VASH1: variants seen among roughly 807,000 people sequenced by gnomAD.
VASH1 encodes vasohibin 1, also known as tubulinyl-Tyr carboxypeptidase 1.
Under a neutral mutation model 35.0 loss-of-function variants are expected in VASH1, and 16 were observed. The observed-to-expected ratio is 0.46, with a 90% CI of 0.31 to 0.70. The LOEUF (loss-of-function observed/expected upper bound fraction) is 0.70, where lower values mean the gene tolerates loss of function less well. Among genes scored for constraint, VASH1 ranks in the 30% least tolerant of loss-of-function variants. The pLI is 0.05. For missense variants in VASH1, 505 were observed against 510.7 expected (o/e 0.99, Z 0.11); for synonymous variants, 214 against 200.9 (o/e 1.07, Z -0.55).
rs1894086081 is a variant in VASH1, at chr14:76,780,833, T to TC, written c.*1817dup. On this transcript the variant is annotated 3_prime_UTR_variant, in exon 7 of 7. Coordinates refer to ENST00000167106, the MANE Select transcript of VASH1 (RefSeq NM_014909.5). The stretch of plus-strand genomic sequence containing the variant: ...AGAGAGAGCTCGTGCTGGGGAGAAG[T>TC]CCACCAAGATGCTTTGAGGCGGGCT... 1.3e-5 allele frequency: 2 copies of TC among 152,170 alleles called. No individual in the cohort carries two copies. Among genetic ancestry groups the TC allele is most frequent in the Non-Finnish European group, 2.9e-5 (2 of 68,048 alleles). The allele number at this position is 152,170 out of a possible 1,614,324, so 9.4% of individuals were successfully genotyped here.
chr14:76,775,189 A>G (rs928646876), intron 4 of VASH1, among the ~76,000 whole-genome samples: 2 of 152,226 alleles, frequency 1.3e-5, no homozygotes, highest in African/African-American at 2.4e-5. Context: ...AAGAAGCAGT[A>G]AACACTGGTC....
intron 1 of VASH1, 75 bp downstream of exon 1, chr14:76,763,205 C>T (rs758346611): frequency 7.6e-7 from 1 of 1,316,988 alleles, no homozygotes; most frequent in Non-Finnish European, 9.8e-7. Context: ...TGAAGCCACA[C>T]TCTCCTCCCA....
At chr14:76,771,057 G>A (rs1272666369) in intron 2 of VASH1, 133 bp from the exon 3 acceptor site, 6 of 696,904 alleles carry the variant, frequency 8.6e-6, no homozygotes, top group African/African-American at 3.7e-5. Flanking sequence ...GGAGGCGTGA[G>A]GCGGGGAGAA....
rs1290478334 is a variant in VASH1 at position 76,762,746 on chromosome 14, C to G, written c.-76C>G. 1 of 1,349,884 alleles carries G rather than the reference C, an allele frequency of 7.4e-7. No homozygotes were observed. Among genetic ancestry groups the G allele is most frequent in the African/African-American group, 1.5e-5 (1 of 67,840 alleles). 83.6% of individuals were successfully genotyped at this position (1,349,884 alleles called of 1,614,324 possible). Reference sequence around the variant, plus strand: ...CTTGCACTCTGGCCATGTGTTATCTCTGCAGCCGGTGTGTGGGAGGCCTCT... The same window carrying G: ...CTTGCACTCTGGCCATGTGTTATCTGTGCAGCCGGTGTGTGGGAGGCCTCT... On this transcript the variant is annotated 5_prime_UTR_variant, in exon 1 of 7. Transcript: ENST00000167106.
chr14:76,768,406 G>T (rs1034579885), intron 1 of VASH1, among the ~76,000 whole-genome samples: 1 of 152,194 alleles, frequency 6.6e-6, no homozygotes, highest in Non-Finnish European at 1.5e-5. Flanking sequence ...CAGCCAGTGC[G>T]GTTGCTAGGG....
At chr14:76,772,796 C>G (rs1893828455) in intron 3 of VASH1, among the ~76,000 whole-genome samples, 1 of 152,212 alleles carries the variant, frequency 6.6e-6, no homozygotes, top group Non-Finnish European at 1.5e-5. Flanking sequence ...GCAGAAGGCC[C>G]CAGCCTGGTG....
Position 76,776,265 on chromosome 14 carries a change from C to T in VASH1, c.904C>T (p.Arg302Trp), listed in dbSNP as rs781696006. 1 of 1,590,566 alleles carries T rather than the reference C, an allele frequency of 6.3e-7. No individual in the cohort carries two copies. The highest frequency in any genetic ancestry group is 8.5e-7 in the Non-Finnish European group (1 of 1,171,776). ...KELERHARDM[R>W]LKIGKGTGPP... ...GCTGGAGCGCCACGCCCGCGACATG[C>T]GGCTCAAGGTCTGCCCGCCTTCCAC... Residue 302 changes from arginine to tryptophan, a missense_variant, in exon 5 of 7, where the codon CGG becomes TGG. Arg to Trp is a moderately radical substitution (Grantham distance 101). Coordinates refer to ENST00000167106, the MANE Select transcript of VASH1 (RefSeq NM_014909.5).
intron 1 of VASH1, among the ~76,000 whole-genome samples, chr14:76,764,329 A>C (rs954814296): frequency 6.6e-6 from 1 of 152,242 alleles, no homozygotes; most frequent in African/African-American, 2.4e-5. Context: ...GAATGGCCGC[A>C]TAAATGTGCT....
intron 5 of VASH1, among the ~76,000 whole-genome samples, chr14:76,777,144 G>A (rs1000926765): frequency 4.6e-5 from 7 of 152,202 alleles, no homozygotes; most frequent in Non-Finnish European, 7.4e-5. Flanking sequence ...GGGTTTGTAA[G>A]AGCTACGGCT....
rs1893713357 is a variant in VASH1 at position 76,768,810 on chromosome 14, G to T, written c.310-1153G>T. Reference sequence around the variant, plus strand: ...CTCAGCAGTCCCATCGGGTGGGTGGGCTCAGTGTGGCCTTGGAGGGCCGGG... The same window carrying T: ...CTCAGCAGTCCCATCGGGTGGGTGGTCTCAGTGTGGCCTTGGAGGGCCGGG... On this transcript the variant is annotated intron_variant, in intron 1 of 6. Transcript: ENST00000167106. Among the ~76,000 whole-genome samples the T allele has an allele frequency of 2.0e-5, 3 of 152,188 alleles. No individual in the cohort carries two copies. The South Asian group carries it at 6.2e-4, about 32-fold the overall frequency.
chr14:76,765,577 A>G (rs1294922527), intron 1 of VASH1, among the ~76,000 whole-genome samples: 1 of 152,152 alleles, frequency 6.6e-6, no homozygotes, highest in Non-Finnish European at 1.5e-5. Flanking sequence ...CCCCGCCCTT[A>G]CCATCCCTAG....
intron 5 of VASH1, among the ~76,000 whole-genome samples, chr14:76,777,049 G>A (rs1893965307): frequency 6.6e-6 from 1 of 152,194 alleles, no homozygotes; most frequent in African/African-American, 2.4e-5. Flanking sequence ...CTGGCAGTGA[G>A]AGGCAGATCA....
chr14:76,772,075 A>C (rs1893808070), intron 3 of VASH1, among the ~76,000 whole-genome samples: 1 of 152,072 alleles, frequency 6.6e-6, no homozygotes, highest in Non-Finnish European at 1.5e-5. Flanking sequence ...CCCCATCTCT[A>C]CTAAAAATAC....
intron 1 of VASH1, among the ~76,000 whole-genome samples, chr14:76,767,436 G>T (rs1441345227): frequency 6.6e-6 from 1 of 152,028 alleles, no homozygotes; most frequent in African/African-American, 2.4e-5. Context: ...GTGTTCGATT[G>T]AAATAGACCC....
chr14:76,773,115 G>A, intron 3 of VASH1, 22 bp from the exon 4 acceptor site: 2 of 1,612,892 alleles, frequency 1.2e-6, no homozygotes, highest in Middle Eastern at 3.3e-4. Flanking sequence ...TGTCCTTACT[G>A]ACCTGCCTCC....
In VASH1 at chr14:76,762,871, C is replaced by G. The variant is rs1893539704; in HGVS notation, c.50C>G (p.Pro17Arg). 1.3e-6 allele frequency: 2 copies of G among 1,543,048 alleles called. No homozygotes were observed. The highest frequency in any genetic ancestry group is 1.7e-6 in the Non-Finnish European group (2 of 1,144,088). ...VAGGGSSGAT[P>R]TSAAATAPSG... ...GGGGGTGGCAGCAGCGGTGCCACTC[C>G]AACGTCCGCTGCGGCCACCGCCCCC... The change falls in exon 1 of 7, where the codon CCA becomes CGA. Residue 17 changes from proline to arginine, a missense_variant. Physicochemically the swap from Pro to Arg is moderately radical, Grantham distance 103. Coordinates refer to ENST00000167106, the MANE Select transcript of VASH1 (RefSeq NM_014909.5).
rs926287591 is a variant in VASH1, at chr14:76,774,749, G to A, written c.531-1143G>A. On this transcript the variant is annotated intron_variant, in intron 4 of 6. Transcript: ENST00000167106. ...GGTCACTTACAAGGAGTCAGGCTCA[G>A]TAAGCATTGGTGGAATGAGAGTAGT... 8 of 152,342 alleles carry A rather than the reference G, an allele frequency of 5.3e-5. No homozygotes were observed. In the East Asian group the frequency reaches 7.7e-4, roughly 15 times the overall value. The allele number at this position is 152,342 out of a possible 1,614,324, so 9.4% of individuals were successfully genotyped here.
rs1566688336 is a variant in VASH1 at position 76,778,987 on chromosome 14, C to T, written c.1067C>T (p.Pro356Leu). 8 of 1,614,078 alleles carry T rather than the reference C, an allele frequency of 5.0e-6. No individual in the cohort carries two copies. The highest frequency in any genetic ancestry group is 6.8e-6 in the Non-Finnish European group (8 of 1,180,046). ...DKKTSEPKAM[P>L]DLNGYQIRV ...AAGACTTCCGAGCCCAAAGCCATGC[C>T]AGACCTTAACGGGTACCAGATCCGG... The change falls in exon 7 of 7, where the codon CCA (proline) becomes CTA (leucine). Residue 356 changes from proline (P) to leucine (L), a missense_variant. Transcript: ENST00000167106.
At chr14:76,764,204 T>TA (rs929867368) in intron 1 of VASH1, among the ~76,000 whole-genome samples, 1 of 152,214 alleles carries the variant, frequency 6.6e-6, no homozygotes, top group Non-Finnish European at 1.5e-5. Context: ...GTTTTGTTTT[T>TA]ACCAAGTTAT....
Sources: allele counts gnomAD v4.1 joint callset (sites outside exome capture counted in the v4.1 genomes callset), GRCh38; gene constraint gnomAD v4.1.1; transcripts MANE v1.5; gene names NCBI Gene and HGNC (gene_info 2026-07-23, HGNC 2026-07-21).